Variants in CC2D1B observed in about 807,000 individuals in gnomAD.
CC2D1B encodes coiled-coil and C2 domain-containing protein 1B.
A neutral mutation model predicts 110.8 loss-of-function variants in CC2D1B; 92 were observed. The ratio of observed to expected loss-of-function variants is 0.83; its 90% confidence interval spans 0.70 to 0.99. The LOEUF (loss-of-function observed/expected upper bound fraction) is 0.99. Among genes scored for constraint, CC2D1B ranks in the 50% least tolerant of loss-of-function variants. CC2D1B has a pLI of 0.00. For missense variants in CC2D1B, 1,136 were observed against 1,089.0 expected, an observed-to-expected ratio of 1.04 and a Z score of -0.61; for synonymous variants, 406 against 429.2, an observed-to-expected ratio of 0.95 and a Z score of 0.67.
chr1:52,356,816 A>G, intron 16 of CC2D1B, 185 bp downstream of exon 16: 1 of 659,670 alleles, frequency 1.5e-6, no homozygotes, highest in Non-Finnish European at 2.6e-6. Flanking sequence ...AAGGGGTATT[A>G]TCACCCCATC....
At position 52,352,813 on chromosome 1, in the gene CC2D1B, C is replaced by CGA. The variant is rs1557537049; in HGVS notation, c.*411_*412insTC. ...GACACCACCCTCAGCAGGGGAGGTT[C>CGA]CCGATCACCCTCAAGTTCTCCCATC... On this transcript the variant is annotated 3_prime_UTR_variant, in exon 25 of 25. Transcript: ENST00000284376. 2.5e-5 allele frequency: 4 copies of CGA among 159,046 alleles called. No homozygotes were observed. In the East Asian group the frequency reaches 7.4e-4, roughly 29 times the overall value. The allele number at this position is 159,046 out of a possible 1,614,324, so 9.9% of individuals were successfully genotyped here.
At chr1:52,356,775 T>G (rs988560911) in intron 16 of CC2D1B, 1 of 600,820 alleles carries the variant, frequency 1.7e-6, no homozygotes, top group African/African-American at 1.9e-5. Flanking sequence ...CAATGTTCTT[T>G]CCCTCTTCTC....
intron 13 of CC2D1B, 99 bp downstream of exon 13, chr1:52,358,232 T>C: frequency 2.0e-6 from 3 of 1,480,490 alleles, no homozygotes; most frequent in South Asian, 1.3e-5. Flanking sequence ...GGAAAGAATA[T>C]GTACCTTATT....
Position 52,352,643 on chromosome 1 carries a change from A to AAAAAC in CC2D1B, c.*577_*581dup, listed in dbSNP as rs1353340608. Reference sequence around the variant, plus strand: ...CCCTTACTTCCCACCAAGTAGTACCAAAAACAACTTTCCCCCTCCACTAAG... The same window carrying AAAAAC: ...CCCTTACTTCCCACCAAGTAGTACCAAAAACAAAACAACTTTCCCCCTCCACTAAG... On this transcript the variant is annotated 3_prime_UTR_variant, in exon 25 of 25. Coordinates refer to ENST00000284376, the MANE Select transcript of CC2D1B (RefSeq NM_001330585.2). The AAAAAC allele has an allele frequency of 6.6e-6, 1 of 152,624 alleles. No homozygotes were observed. The highest frequency in any genetic ancestry group is 2.4e-5 in the African/African-American group (1 of 41,444). 9.5% of individuals were successfully genotyped at this position (152,624 alleles called of 1,614,324 possible). A position where few individuals can be genotyped will look rare whatever the true frequency, so the allele number is the denominator to read the frequency against.
chr1:52,354,363 G>A (rs1164163118), intron 23 of CC2D1B: 1 of 681,926 alleles, frequency 1.5e-6, no homozygotes, highest in East Asian at 2.8e-5. Flanking sequence ...TATAGTCCTT[G>A]CCTGTGGAAT....
At chr1:52,362,851 G>T in intron 2 of CC2D1B, 105 bp from the exon 3 acceptor site, 1 of 1,151,726 alleles carries the variant, frequency 8.7e-7, no homozygotes. Context: ...GGCTCCTTCA[G>T]TCTGTGAGGC....
intron 20 of CC2D1B, 27 bp from the exon 21 acceptor site, chr1:52,355,476 G>T (rs777821519): frequency 6.2e-7 from 1 of 1,614,006 alleles, no homozygotes; most frequent in South Asian, 1.1e-5. Flanking sequence ...GAGAAGTCAG[G>T]ACAGCGTATA....
Position 52,362,755 on chromosome 1 carries a change from A to C in CC2D1B, c.70-9T>G. ...TCCATAAAGAGCCCCATCTGAGAGC[A>C]GAGCAGGACTCTTAGGAACCACACA... On this transcript the variant is annotated splice_polypyrimidine_tract_variant and intron_variant, in intron 2 of 24. Transcript: ENST00000284376. The C allele has an allele frequency of 3.7e-6, 6 of 1,613,950 alleles. No individual in the cohort carries two copies. Among genetic ancestry groups the C allele is most frequent in the Non-Finnish European group, 2.5e-6 (3 of 1,179,962 alleles).
rs144751561 is a variant in CC2D1B, at chr1:52,353,316, T to C, written c.*2-93A>G. ...GGTTTCCTGAAGATAGATAGATAGA[T>C]AGATAGTTAAACCTTGGAAGGTTAC... On this transcript the variant is annotated intron_variant, in intron 24 of 24. Transcript: ENST00000284376. The C allele has an allele frequency of 9.1e-5, 135 of 1,478,518 alleles. No individual in the cohort carries two copies. The East Asian group carries it at 3.3e-3, about 36-fold the overall frequency. The allele number at this position is 1,478,518 out of a possible 1,614,324, so 91.6% of individuals were successfully genotyped here.
At chr1:52,354,359 C>G (rs1371790357) in intron 23 of CC2D1B, 1 of 679,272 alleles carries the variant, frequency 1.5e-6, no homozygotes, top group Admixed American at 2.0e-5. Flanking sequence ...GTCGTATAGT[C>G]CTTGCCTGTG....
intron 5 of CC2D1B, 86 bp downstream of exon 5, chr1:52,360,888 C>G: frequency 1.3e-6 from 2 of 1,515,828 alleles, no homozygotes; most frequent in East Asian, 2.3e-5. Context: ...GTGACTGCAG[C>G]CTTGCTGTGC....
At chr1:52,365,078 G>A (rs978375229) in intron 1 of CC2D1B, among the ~76,000 whole-genome samples, 1 of 152,228 alleles carries the variant, frequency 6.6e-6, no homozygotes, top group Non-Finnish European at 1.5e-5. Flanking sequence ...GCTATGACCA[G>A]ACAGCACACA....
chr1:52,358,975 C>T, intron 11 of CC2D1B, 52 bp downstream of exon 11: 1 of 1,590,872 alleles, frequency 6.3e-7, no homozygotes. Context: ...GACAGAGCAC[C>T]CAGCCAGGGA....
At chr1:52,353,385 A>G (rs1253176150) in intron 24 of CC2D1B, 133 bp downstream of exon 24, 8 of 1,519,458 alleles carry the variant, frequency 5.3e-6, no homozygotes, top group Non-Finnish European at 7.0e-6. Flanking sequence ...AACTCAGCCC[A>G]TAAGCCCTAC....
At chr1:52,357,750 C>T (rs773134252) in intron 14 of CC2D1B, 31 bp downstream of exon 14, 1 of 1,602,002 alleles carries the variant, frequency 6.2e-7, no homozygotes, top group Admixed American at 1.7e-5. Flanking sequence ...TCTAGGCCCT[C>T]AGTTCTTCAC....
chr1:52,358,373 G>A lies in CC2D1B; in HGVS notation c.1419C>T (p.Ala473=). ...CAGCCGGGGCTGAATCCTCTGCAGA[G>A]GCCAGTTTCTCTGCAGCTGCCAATG... ...AATLAAAEKL[A]SAEDSAPADK... Residue 473 remains alanine (A), a synonymous_variant, in exon 13 of 25, where the codon GCC becomes GCT. Transcript: ENST00000284376. 1 of 1,614,138 alleles carries A rather than the reference G, an allele frequency of 6.2e-7. No homozygotes were observed. The highest frequency in any genetic ancestry group is 8.5e-7 in the Non-Finnish European group (1 of 1,180,034).
At position 52,351,194 on chromosome 1, in the gene CC2D1B, C is replaced by G. The variant is rs948760808; in HGVS notation, c.*2031G>C. The G allele has an allele frequency of 6.6e-6, 1 of 152,192 alleles. No homozygotes were observed. Among genetic ancestry groups the G allele is most frequent in the South Asian group, 2.1e-4 (1 of 4,824 alleles). 9.4% of individuals were successfully genotyped at this position (152,192 alleles called of 1,614,324 possible). The stretch of plus-strand genomic sequence containing the variant: ...TCTGGTGGGAGGCTTTGTCTTGCCT[C>G]GTCAGCCTGGAGGTTCTGTTTTGAA... On this transcript the variant is annotated 3_prime_UTR_variant, in exon 25 of 25. Coordinates refer to ENST00000284376, the MANE Select transcript of CC2D1B (RefSeq NM_001330585.2).
intron 23 of CC2D1B, among the ~76,000 whole-genome samples, chr1:52,354,163 C>T (rs1229680502): frequency 6.6e-6 from 1 of 152,180 alleles, no homozygotes; most frequent in South Asian, 2.1e-4. Flanking sequence ...CAATAGAGAC[C>T]AGGGCCCGCA....
chr1:52,354,550 G>A (rs752076347), intron 23 of CC2D1B, 58 bp downstream of exon 23: 6 of 1,343,962 alleles, frequency 4.5e-6, no homozygotes, highest in Non-Finnish European at 6.4e-6. Flanking sequence ...GTGGCATTCA[G>A]TGCGTATTGG....
Sources: gnomAD v4.1 joint callset for allele counts (sites outside exome capture counted in the v4.1 genomes callset) on GRCh38, gnomAD v4.1.1 for gene constraint, MANE v1.5 for transcripts, NCBI Gene and HGNC (gene_info 2026-07-23, HGNC 2026-07-21) for gene names.